Variants in RAD51B observed in about 807,000 individuals in gnomAD.
The protein encoded by RAD51B is RAD51 paralog B.
A neutral mutation model predicts 42.2 loss-of-function variants in RAD51B; 38 were observed. The ratio of observed to expected loss-of-function variants is 0.90; its 90% CI spans 0.70 to 1.18. The LOEUF (loss-of-function observed/expected upper bound fraction) is 1.18, where lower values mean the gene tolerates loss of function less well. Ranked by LOEUF, RAD51B falls within the 50% of genes most tolerant of loss-of-function variation. The pLI, the probability that RAD51B is intolerant of heterozygous loss-of-function variation, is 0.00. For missense variants in RAD51B, 373 were observed against 400.7 expected, an observed-to-expected ratio of 0.93 and a Z score of 0.59; for synonymous variants, 154 against 145.2, an observed-to-expected ratio of 1.06 and a Z score of -0.43.
At chr14:68,640,065 G>GT (rs1284088987) in intron 10 of RAD51B, among the ~76,000 whole-genome samples, 7 of 152,196 alleles carry the variant, frequency 4.6e-5, no homozygotes, top group Non-Finnish European at 1.0e-4. Flanking sequence ...GCCTCCCAAA[G>GT]TACTGGGATT....
chr14:68,484,001 T>C (rs1883405485), intron 10 of RAD51B, among the ~76,000 whole-genome samples: 1 of 152,234 alleles, frequency 6.6e-6, no homozygotes, highest in African/African-American at 2.4e-5. Context: ...AAAGCTTTCC[T>C]CAGAGAGGTT....
chr14:67,986,035 T>C (rs2075185194), intron 7 of RAD51B, among the ~76,000 whole-genome samples: 1 of 152,102 alleles, frequency 6.6e-6, no homozygotes, highest in African/African-American at 2.4e-5. Context: ...GTGTGTGTAG[T>C]TTAATTCTGT....
At chr14:68,170,719 C>T (rs919850337) in intron 7 of RAD51B, among the ~76,000 whole-genome samples, 1 of 152,088 alleles carries the variant, frequency 6.6e-6, no homozygotes, top group Non-Finnish European at 1.5e-5. Flanking sequence ...ATTTTAATGG[C>T]AGCAGAATTG....
chr14:67,889,589 CT>C (rs1353870298), intron 7 of RAD51B, among the ~76,000 whole-genome samples: 1 of 146,148 alleles, frequency 6.8e-6, no homozygotes, highest in Non-Finnish European at 1.5e-5. Flanking sequence ...TTTTCCCCCC[CT>C]TTCTCTATTT....
At chr14:68,583,657 A>G (rs950512282) in intron 10 of RAD51B, among the ~76,000 whole-genome samples, 1 of 152,164 alleles carries the variant, frequency 6.6e-6, no homozygotes, top group South Asian at 2.1e-4. Flanking sequence ...CCTTGAGCAC[A>G]CATGTGTGGG....
chr14:67,950,951 A>G (rs2074432779), intron 7 of RAD51B, among the ~76,000 whole-genome samples: 2 of 152,206 alleles, frequency 1.3e-5, no homozygotes, highest in African/African-American at 4.8e-5. Context: ...AACAGTCAGA[A>G]CACATAGACT....
intron 9 of RAD51B, among the ~76,000 whole-genome samples, chr14:68,460,496 C>T (rs1273216263): frequency 6.6e-6 from 1 of 152,108 alleles, no homozygotes; most frequent in Non-Finnish European, 1.5e-5. Context: ...GTAGCCTGTG[C>T]CCAAGGTTCC....
intron 11 of RAD51B, among the ~76,000 whole-genome samples, chr14:68,667,099 G>C (rs1893047261): frequency 6.6e-6 from 1 of 152,246 alleles, no homozygotes; most frequent in South Asian, 2.1e-4. Flanking sequence ...GATGTATCTA[G>C]AGAGATGTAG....
chr14:68,594,678 C>T, exon 11 of RAD51B: 1 of 1,278,544 alleles, frequency 7.8e-7, no homozygotes, highest in South Asian at 1.3e-5. Context: ...ATCCACCCAC[C>T]TCAGCCTCCC....
chr14:68,318,032 G>A (rs1008880190), intron 8 of RAD51B, among the ~76,000 whole-genome samples: 4 of 152,222 alleles, frequency 2.6e-5, no homozygotes, highest in Admixed American at 2.6e-4. Context: ...TGTCTGTTAT[G>A]CATGCTTTAC....
At chr14:67,991,801 G>C (rs2075300835) in intron 7 of RAD51B, among the ~76,000 whole-genome samples, 1 of 152,082 alleles carries the variant, frequency 6.6e-6, no homozygotes, top group African/African-American at 2.4e-5. Flanking sequence ...TAGGAGTGCA[G>C]ATATCTCTTT....
Position 68,027,939 on chromosome 14 carries a change from C to T in RAD51B, c.756+140735C>T, listed in dbSNP as rs528044296. Among the ~76,000 whole-genome samples the T allele has an allele frequency of 1.1e-4, 16 of 152,160 alleles. No homozygotes were observed. In the South Asian group the frequency reaches 2.9e-3, roughly 28 times the overall value. On this transcript the variant is annotated intron_variant, in intron 7 of 10. Coordinates refer to ENST00000471583, the MANE Select transcript of RAD51B (RefSeq NM_133510.4). ...GAATTCTTGCACTGATTTTTTTTCT[C>T]ATCTGGGAAGTTTGGTGTTTCTTTA... is the stretch of plus-strand genomic sequence containing the variant.
rs116597827 is a variant in RAD51B at position 68,541,003 on chromosome 14, G to A, written c.1037-53482G>A. The A allele has an allele frequency of 7.9e-4, 776 of 985,376 alleles. 7 individuals carry two copies. In the African/African-American group the frequency reaches 0.013, roughly 16 times the overall value. 61.0% of individuals were successfully genotyped at this position (985,376 alleles called of 1,614,324 possible). On this transcript the variant is annotated intron_variant, in intron 10 of 10. Transcript: ENST00000487270. ...AAAGTGGTTGTTATTGCTATCATTT[G>A]TTTTTGTTTTCACTTTGCCCCTTCA...
At chr14:68,534,370 A>G (rs1887486758) in intron 10 of RAD51B, among the ~76,000 whole-genome samples, 1 of 152,200 alleles carries the variant, frequency 6.6e-6, no homozygotes, top group African/African-American at 2.4e-5. Context: ...ATAATAGGTT[A>G]TTGATGACAG....
chr14:68,414,112 C>A (rs551182370), intron 9 of RAD51B, among the ~76,000 whole-genome samples: 4 of 152,268 alleles, frequency 2.6e-5, no homozygotes, highest in Non-Finnish European at 2.9e-5. Context: ...AGCAGACCTT[C>A]AAGCCGATTA....
chr14:68,071,666 G>C (rs1342923217), intron 7 of RAD51B, among the ~76,000 whole-genome samples: 1 of 152,098 alleles, frequency 6.6e-6, no homozygotes, highest in Admixed American at 6.5e-5. Flanking sequence ...GAGTTTACTA[G>C]TATTTTGTTG....
intron 10 of RAD51B, among the ~76,000 whole-genome samples, chr14:68,573,337 T>C (rs1266684026): frequency 6.6e-6 from 1 of 152,136 alleles, no homozygotes; most frequent in African/African-American, 2.4e-5. Context: ...GACTCCTTAC[T>C]GTTTCTCAGA....
At chr14:68,571,691 G>T (rs1889710241) in intron 10 of RAD51B, among the ~76,000 whole-genome samples, 1 of 152,180 alleles carries the variant, frequency 6.6e-6, no homozygotes. Context: ...TAGGCTTCAG[G>T]AAATAGGCCG....
intron 7 of RAD51B, among the ~76,000 whole-genome samples, chr14:68,127,652 C>CACAT (rs370116965): frequency 8.6e-6 from 1 of 116,104 alleles, no homozygotes; most frequent in South Asian, 2.4e-4. Flanking sequence ...CACACACACA[C>CACAT]ACATACACAC....
Sources: allele counts gnomAD v4.1 joint callset (sites outside exome capture counted in the v4.1 genomes callset), GRCh38; gene constraint gnomAD v4.1.1; transcripts MANE v1.5; gene names NCBI Gene and HGNC (gene_info 2026-07-23, HGNC 2026-07-21).